The following OBP2B variants were observed in gnomAD, a reference collection of about 807,000 sequenced individuals.
The protein encoded by OBP2B is odorant binding protein 2B, also known as odorant-binding protein 2b.
In OBP2B, 10 loss-of-function variants were observed where a neutral mutation model predicts 21.7. The ratio of observed to expected loss-of-function variants is 0.46; its 90% confidence interval spans 0.28 to 0.78. The LOEUF (loss-of-function observed/expected upper bound fraction) is 0.78. Ranked by LOEUF, OBP2B falls within the 30% of genes least tolerant of loss-of-function variation. OBP2B has a pLI of 0.11. For missense variants in OBP2B, 153 were observed against 217.7 expected (o/e 0.70, Z 1.87); for synonymous variants, 73 against 91.5 (o/e 0.80, Z 1.16).
upstream of OBP2B, among the ~76,000 whole-genome samples, chr9:133,210,846 C>A (rs753950021): frequency 6.6e-6 from 1 of 152,108 alleles, no homozygotes; most frequent in Non-Finnish European, 1.5e-5. Context: ...CAGACACCGT[C>A]AGGAGATGGT....
intron 3 of OBP2B, among the ~76,000 whole-genome samples, chr9:133,207,627 C>T (rs1833775756): frequency 6.6e-6 from 1 of 152,108 alleles, no homozygotes; most frequent in Non-Finnish European, 1.5e-5. Context: ...TCATCTTCCC[C>T]CTCAGCCTCC....
At chr9:133,216,347 A>C in the OBP2B span, among the ~76,000 whole-genome samples, 3 of 151,592 alleles carry the variant, frequency 2.0e-5, no homozygotes. Flanking sequence ...ATTAGTCATC[A>C]GTGAAATGCA....
intron 2 of OBP2B, 83 bp from the exon 3 acceptor site, chr9:133,208,286 C>T (rs782057286): frequency 1.3e-5 from 21 of 1,605,040 alleles, no homozygotes; most frequent in East Asian, 2.2e-5. Flanking sequence ...GGCCCTGACC[C>T]GGCAACCTGA....
upstream of OBP2B, among the ~76,000 whole-genome samples, chr9:133,214,222 G>C (rs1308828156): frequency 6.6e-5 from 10 of 152,296 alleles, no homozygotes; most frequent in African/African-American, 2.4e-4. Flanking sequence ...ACTTGACAAA[G>C]AGCATCTACA....
At chr9:133,217,909 CT>C in the OBP2B span, among the ~76,000 whole-genome samples, 1 of 152,212 alleles carries the variant, frequency 6.6e-6, no homozygotes, top group African/African-American at 2.4e-5. Context: ...TTGTGGTTCT[CT>C]TTAAACCTCT....
At chr9:133,213,022 C>T (rs1313185618), upstream of OBP2B, among the ~76,000 whole-genome samples, 10 of 146,798 alleles carry the variant, frequency 6.8e-5, no homozygotes, top group African/African-American at 9.8e-5. Flanking sequence ...GTCAGGAGTT[C>T]GAGACCAGCC....
the OBP2B span, among the ~76,000 whole-genome samples, chr9:133,216,377 C>T: frequency 6.6e-6 from 1 of 151,326 alleles, no homozygotes; most frequent in Non-Finnish European, 1.5e-5. Flanking sequence ...CATGATATAT[C>T]AGTACATACC....
chr9:133,210,971 C>T (rs1833905333), upstream of OBP2B, among the ~76,000 whole-genome samples: 1 of 152,200 alleles, frequency 6.6e-6, no homozygotes. Flanking sequence ...CTGATGGTGG[C>T]TCCTGTTGGG....
intron 1 of OBP2B, 96 bp from the exon 2 acceptor site, chr9:133,208,698 T>G: frequency 6.6e-7 from 1 of 1,526,352 alleles, no homozygotes; most frequent in Non-Finnish European, 8.8e-7. Context: ...ACACCCATGG[T>G]GCCCGGCTGC....
At chr9:133,206,026 A>G in intron 5 of OBP2B, 86 bp from the exon 6 acceptor site, 1 of 1,586,598 alleles carries the variant, frequency 6.3e-7, no homozygotes, top group East Asian at 2.2e-5. Flanking sequence ...TCAGAGCCCC[A>G]GAGCCCATCG....
At chr9:133,214,572 G>A in the OBP2B span, among the ~76,000 whole-genome samples, 4 of 152,168 alleles carry the variant, frequency 2.6e-5, no homozygotes, top group Middle Eastern at 3.2e-3. Context: ...GATTTCAGCC[G>A]GGAAGTGGTA....
chr9:133,208,436 G>T, intron 2 of OBP2B, 33 bp downstream of exon 2: 1 of 1,605,782 alleles, frequency 6.2e-7, no homozygotes, highest in East Asian at 2.2e-5. Flanking sequence ...GAGCGAAAGT[G>T]GCCTGAGGGG....
chr9:133,208,385 A>C, intron 2 of OBP2B, 84 bp downstream of exon 2: 7 of 1,602,052 alleles, frequency 4.4e-6, no homozygotes, highest in Non-Finnish European at 6.0e-6. Flanking sequence ...AACACCCGAA[A>C]CGTGGATGGG....
rs3174148 is a variant in OBP2B at position 133,207,289 on chromosome 9, G to T, written c.325C>A (p.His109Asn). The T allele has an allele frequency of 6.2e-7, 1 of 1,613,736 alleles. No individual in the cohort carries two copies. The highest frequency in any genetic ancestry group is 8.5e-7 in the Non-Finnish European group (1 of 1,179,854). ...TGGTCTTTGCAGTAAAAGATGTAGT[G>T]GTCCCTCCTGGGCAGCTCCTGCAGG... Reference protein sequence around the residue: ...MYLQELPRRDHYIFYCKDQHH... With the variant: ...MYLQELPRRDNYIFYCKDQHH... Residue 109 changes from histidine to asparagine, a missense_variant, in exon 4 of 7, where the codon CAC (histidine) becomes AAC (asparagine). Transcript: ENST00000372034.
At chr9:133,219,930 T>C in the OBP2B span, among the ~76,000 whole-genome samples, 5 of 152,216 alleles carry the variant, frequency 3.3e-5, no homozygotes, top group Admixed American at 1.3e-4. Flanking sequence ...CAATGAAATA[T>C]TATTCTGTCA....
chr9:133,208,714 T>C (rs7873892), intron 1 of OBP2B, 112 bp from the exon 2 acceptor site: 61,433 of 1,512,436 alleles, frequency 0.041, 1,484 homozygotes, highest in African/African-American at 0.086. Flanking sequence ...GCTGCTGCCC[T>C]TAAAGGCAGG....
intron 2 of OBP2B, 86 bp from the exon 3 acceptor site, chr9:133,208,289 C>T (rs781831434): frequency 3.7e-6 from 6 of 1,605,184 alleles, no homozygotes; most frequent in Admixed American, 3.3e-5. Context: ...CCTGACCCGG[C>T]AACCTGAAAA....
chr9:133,222,482 C>A, the OBP2B span, among the ~76,000 whole-genome samples: 15 of 152,200 alleles, frequency 9.9e-5, no homozygotes, highest in Non-Finnish European at 1.6e-4. Context: ...AATCCCAGCA[C>A]TTTGGGAGGC....
At chr9:133,209,841 C>T (rs1284620076), upstream of OBP2B, among the ~76,000 whole-genome samples, 1 of 152,160 alleles carries the variant, frequency 6.6e-6, no homozygotes, top group Non-Finnish European at 1.5e-5. This position sits in a 1 kb window ranked among gnomAD's most constrained non-coding sequence, Gnocchi z 6.0. Flanking sequence ...TTATATACGG[C>T]CTCCTCGGGC....
Sources: allele counts gnomAD v4.1 joint callset (sites outside exome capture counted in the v4.1 genomes callset), GRCh38; gene constraint gnomAD v4.1.1; non-coding constraint Gnocchi (gnomAD v3.1); transcripts MANE v1.5; gene names NCBI Gene and HGNC (gene_info 2026-07-23, HGNC 2026-07-21).